The following CABIN1 variants were observed in gnomAD, a reference collection of about 807,000 sequenced individuals.
CABIN1 encodes calcineurin binding protein 1.
CABIN1 carries 133 observed loss-of-function variants against 227.7 expected under a neutral mutation model. That is an observed-to-expected ratio of 0.58 (90% CI 0.51 to 0.67). The LOEUF is 0.67. CABIN1 is among the 30% of genes least tolerant of loss of function. The probability of loss-of-function intolerance (pLI) is 0.00; values close to 1 mark genes in which losing one functional copy is unlikely to be tolerated. For synonymous variants in CABIN1, 1,086 were observed against 1,155.1 expected, an observed-to-expected ratio of 0.94 and a Z score of 1.21; for missense variants, 2,408 against 2,852.5, an observed-to-expected ratio of 0.84 and a Z score of 3.55.
At position 24,042,914 on chromosome 22, in the gene CABIN1, T is replaced by C. The variant is rs1246610806; in HGVS notation, c.356T>C (p.Leu119Pro). ...AMEFYLEAVM[L>P]DSTDVNLWYK... is the part of the protein sequence containing the mutation. ...TTGTGTCGCTTCCAGGCAGTGATGC[T>C]GGACTCCACAGATGTCAACCTCTGG... is the stretch of plus-strand genomic sequence containing the variant. Residue 119 changes from leucine (L) to proline (P), a missense_variant, in exon 6 of 37, where the codon CTG becomes CCG. Coordinates refer to ENST00000263119, the MANE Select transcript of CABIN1 (RefSeq NM_012295.4). 1.3e-6 allele frequency: 2 copies of C among 1,597,446 alleles called. No homozygotes were observed. Among genetic ancestry groups the C allele is most frequent in the Non-Finnish European group, 1.7e-6 (2 of 1,172,674 alleles).
At chr22:24,034,372 G>C (rs1222884554) in intron 1 of CABIN1, among the ~76,000 whole-genome samples, 1 of 152,202 alleles carries the variant, frequency 6.6e-6, no homozygotes, top group Non-Finnish European at 1.5e-5. Context: ...TTTTGTATAT[G>C]ACTTCTTTCA....
intron 8 of CABIN1, 126 bp downstream of exon 8, chr22:24,051,100 G>C (rs1411333039): frequency 8.2e-7 from 1 of 1,222,034 alleles, no homozygotes; most frequent in Non-Finnish European, 1.2e-6. Flanking sequence ...TGGGGGCTGG[G>C]TGCACAGTGG....
At chr22:24,048,845 C>G (rs1234672816) in intron 6 of CABIN1, among the ~76,000 whole-genome samples, 1 of 152,174 alleles carries the variant, frequency 6.6e-6, no homozygotes, top group Non-Finnish European at 1.5e-5. Context: ...GTGTAATTGC[C>G]TATGGTCCTC....
intron 7 of CABIN1, among the ~76,000 whole-genome samples, chr22:24,050,265 G>C (rs940135390): frequency 3.3e-5 from 5 of 152,200 alleles, no homozygotes; most frequent in Non-Finnish European, 5.9e-5. Flanking sequence ...ACATGAAACA[G>C]ATAAATTCAT....
At chr22:24,021,555 C>T (rs960822245) in intron 1 of CABIN1, among the ~76,000 whole-genome samples, 1 of 152,094 alleles carries the variant, frequency 6.6e-6, no homozygotes, top group East Asian at 1.9e-4. Flanking sequence ...GGGCCTTAGC[C>T]TCCTGAGTAG....
intron 24 of CABIN1, among the ~76,000 whole-genome samples, chr22:24,094,172 A>C (rs1428427199): frequency 2.6e-5 from 4 of 152,322 alleles, no homozygotes; most frequent in Middle Eastern, 3.4e-3. Context: ...CCAGATGCCC[A>C]CTGAGCCCAG....
chr22:24,175,210 C>G (rs1194592735), intron 34 of CABIN1, among the ~76,000 whole-genome samples: 2 of 152,188 alleles, frequency 1.3e-5, no homozygotes, highest in African/African-American at 4.8e-5. Context: ...GAGACAAGGC[C>G]TCAGCCAGCC....
In CABIN1 at chr22:24,096,392, T is replaced by C. The variant is rs2041896573; in HGVS notation, c.3938+310T>C. 2.6e-5 allele frequency among the ~76,000 whole-genome samples: 4 copies of C among 152,226 alleles called. No individual in the cohort carries two copies. The South Asian group carries it at 8.3e-4, about 32-fold the overall frequency. Reference sequence around the variant, plus strand: ...TCTCCACTGGGGCACAGCTCTGTTCTGTGCAGAACACTGTAGAAAGTCAGT... The same window carrying C: ...TCTCCACTGGGGCACAGCTCTGTTCCGTGCAGAACACTGTAGAAAGTCAGT... On this transcript the variant is annotated intron_variant, in intron 25 of 36. Coordinates refer to ENST00000263119, the MANE Select transcript of CABIN1 (RefSeq NM_012295.4).
chr22:24,131,953 C>G (rs1486894046), intron 28 of CABIN1, among the ~76,000 whole-genome samples: 1 of 151,906 alleles, frequency 6.6e-6, no homozygotes, highest in Non-Finnish European at 1.5e-5. Flanking sequence ...GTAGTCCCAG[C>G]TACTCAGGAG....
chr22:24,069,802 A>T (rs2039957716), intron 16 of CABIN1, among the ~76,000 whole-genome samples: 1 of 152,178 alleles, frequency 6.6e-6, no homozygotes, highest in Non-Finnish European at 1.5e-5. Flanking sequence ...CACATTCCAA[A>T]GGCAGTTCCA....
In CABIN1 at chr22:24,041,130, T is replaced by A; in HGVS notation, c.211-9T>A. 5 of 1,614,208 alleles carry A rather than the reference T, an allele frequency of 3.1e-6. No homozygotes were observed. The highest frequency in any genetic ancestry group is 4.2e-6 in the Non-Finnish European group (5 of 1,180,024). ...TCTAGTTGTCACTTCTGTTCTGTTT[T>A]GTTCACAGGCAGTTTCATCCGGTGA... On this transcript the variant is annotated splice_polypyrimidine_tract_variant and intron_variant, in intron 4 of 36. Transcript: ENST00000263119.
chr22:24,119,439 C>T lies in CABIN1; in HGVS notation c.4373C>T (p.Ala1458Val). The stretch of plus-strand genomic sequence containing the variant: ...GAGCAAGGTGTCCAGAAGCCTGCTG[C>T]AGAAACCCCAGCCTCTGCTTGCATC... ...AAEQGVQKPAAETPASACIPG... is the reference protein window; with the variant it reads ...AAEQGVQKPAVETPASACIPG... Residue 1458 changes from alanine to valine, a missense_variant, in exon 28 of 37, where the codon GCA becomes GTA. Ala to Val is a moderately conservative substitution (Grantham distance 64). Around this residue, in one of 3 missense-constraint regions of CABIN1, gnomAD observed 649 missense variants for 910.3 expected, o/e 0.71. Transcript: ENST00000263119. The T allele has an allele frequency of 6.2e-7, 1 of 1,614,100 alleles. No individual in the cohort carries two copies. Among genetic ancestry groups the T allele is most frequent in the Non-Finnish European group, 8.5e-7 (1 of 1,180,020 alleles).
chr22:24,084,507 T>C (rs2041018933), intron 20 of CABIN1, 72 bp from the exon 21 acceptor site: 2 of 1,194,722 alleles, frequency 1.7e-6, no homozygotes, highest in East Asian at 4.7e-5. Flanking sequence ...TGCGTTTCTA[T>C]GGAGGAATGC....
rs2041055697 is a variant in CABIN1, at chr22:24,084,962, T to C, written c.3118-44T>C. Reference sequence around the variant, plus strand: ...CCTGGGTTTACTGGTCACATCTGAGTCCTTGACTCCACCTCCCCTCATACT... The same window carrying C: ...CCTGGGTTTACTGGTCACATCTGAGCCCTTGACTCCACCTCCCCTCATACT... On this transcript the variant is annotated intron_variant, in intron 21 of 36. Coordinates refer to ENST00000263119, the MANE Select transcript of CABIN1 (RefSeq NM_012295.4). The C allele has an allele frequency of 1.9e-6, 3 of 1,613,352 alleles. No individual in the cohort carries two copies. In the East Asian group the frequency reaches 6.7e-5, roughly 36 times the overall value.
At chr22:24,088,285 C>T (rs919253836) in intron 23 of CABIN1, among the ~76,000 whole-genome samples, 2 of 152,132 alleles carry the variant, frequency 1.3e-5, no homozygotes, top group African/African-American at 4.8e-5. Context: ...AGTGTCAGCA[C>T]CGCCTCCTCT....
chr22:24,056,131 T>G (rs1054143113), intron 9 of CABIN1, 61 bp from the exon 10 acceptor site: 1 of 1,386,836 alleles, frequency 7.2e-7, no homozygotes, highest in Non-Finnish European at 1.0e-6. Flanking sequence ...GATGTGTCTG[T>G]GTGGTGCATT....
intron 4 of CABIN1, among the ~76,000 whole-genome samples, chr22:24,040,938 T>C (rs1569108532): frequency 6.6e-6 from 1 of 152,160 alleles, no homozygotes; most frequent in Non-Finnish European, 1.5e-5. Flanking sequence ...TACCTCAGGG[T>C]GGTCTGTTCT....
intron 1 of CABIN1, among the ~76,000 whole-genome samples, chr22:24,025,308 C>T (rs1021415843): frequency 6.6e-5 from 10 of 152,130 alleles, no homozygotes; most frequent in Admixed American, 5.2e-4. Context: ...GACCTGACAA[C>T]GATTTCCTTA....
chr22:24,136,542 T>TTTTTTTTTTTTTTTTTTTTC, intron 29 of CABIN1, among the ~76,000 whole-genome samples: 1 of 144,690 alleles, frequency 6.9e-6, no homozygotes, highest in Admixed American at 6.9e-5. Context: ...TTTTTTTTTT[T>TTTTTTTTTTTTTTTTTTTTC]TTTTTTAGAG....
Sources: allele counts gnomAD v4.1 joint callset (sites outside exome capture counted in the v4.1 genomes callset), GRCh38; gene constraint gnomAD v4.1.1; regional missense constraint gnomAD v4.1.1; transcripts MANE v1.5; gene names NCBI Gene and HGNC (gene_info 2026-07-23, HGNC 2026-07-21).